Variants in H2AZ2 observed in about 807,000 individuals in gnomAD.
H2AZ2 encodes the protein histone H2A.V.
H2AZ2 carries 5 observed loss-of-function variants against 15.5 expected under a neutral mutation model. That is an observed-to-expected ratio of 0.32 (90% CI 0.17 to 0.68). The LOEUF (loss-of-function observed/expected upper bound fraction) is 0.68. H2AZ2 is among the 30% of genes least tolerant of loss of function. The pLI is 0.72. For missense variants in H2AZ2, 42 were observed against 162.5 expected, an observed-to-expected ratio of 0.26 and a Z score of 4.03; for synonymous variants, 44 against 57.4, an observed-to-expected ratio of 0.77 and a Z score of 1.05.
rs528758230 is a variant in H2AZ2 at position 44,839,312 on chromosome 7, T to C, written c.195+1587A>G. 2.0e-5 allele frequency among the ~76,000 whole-genome samples: 3 copies of C among 152,204 alleles called. No individual in the cohort carries two copies. In the South Asian group the frequency reaches 6.2e-4, roughly 32 times the overall value. Reference sequence around the variant, plus strand: ...GGTTTATGTCTGTAATCCCAGCAACTTGGGAGGACCACTTGAGGCTAGGAG... The same window carrying C: ...GGTTTATGTCTGTAATCCCAGCAACCTGGGAGGACCACTTGAGGCTAGGAG... On this transcript the variant is annotated intron_variant, in intron 3 of 4. Coordinates refer to ENST00000308153, the MANE Select transcript of H2AZ2 (RefSeq NM_012412.5).
At chr7:44,830,293 T>A, downstream of H2AZ2, 1 of 861,494 alleles carries the variant, frequency 1.2e-6, no homozygotes, top group Non-Finnish European at 1.8e-6. Flanking sequence ...GTGGTGAGTA[T>A]AAGAATTCAC....
At chr7:44,839,125 TGA>T (rs1793205050) in intron 3 of H2AZ2, among the ~76,000 whole-genome samples, 1 of 152,352 alleles carries the variant, frequency 6.6e-6, no homozygotes, top group African/African-American at 2.4e-5. Context: ...CAGGACAGAC[TGA>T]GTCTTTTACT....
downstream of H2AZ2, chr7:44,829,998 T>C (rs1043078324): frequency 8.0e-5 from 51 of 635,632 alleles, 1 homozygote; most frequent in African/African-American, 3.7e-4. Flanking sequence ...TTGCTTAAAA[T>C]TGAATTCACG....
At chr7:44,843,238 A>T in intron 2 of H2AZ2, 39 bp downstream of exon 2, 2 of 1,378,906 alleles carry the variant, frequency 1.5e-6, no homozygotes, top group Non-Finnish European at 2.0e-6. Context: ...TTACAACAGT[A>T]AAGAAAATAA....
chr7:44,847,974 T>C lies in H2AZ2; in HGVS notation c.-3A>G. 6.9e-7 allele frequency: 1 copy of C among 1,459,556 alleles called. No homozygotes were observed. Among genetic ancestry groups the C allele is most frequent in the Non-Finnish European group, 9.0e-7 (1 of 1,108,920 alleles). 90.4% of individuals were successfully genotyped at this position (1,459,556 alleles called of 1,614,324 possible). Reference sequence around the variant, plus strand: ...GCCCACCCGGCCGCCCTTACCATGTTCTCGGCGCCGACTCCGCCTCCGCTC... The same window carrying C: ...GCCCACCCGGCCGCCCTTACCATGTCCTCGGCGCCGACTCCGCCTCCGCTC... On this transcript the variant is annotated 5_prime_UTR_variant, in exon 1 of 5. Transcript: ENST00000308153.
At chr7:44,840,731 T>C (rs1046592314) in intron 3 of H2AZ2, among the ~76,000 whole-genome samples, 168 bp downstream of exon 3, 1 of 152,044 alleles carries the variant, frequency 6.6e-6, no homozygotes, top group Admixed American at 6.6e-5. Context: ...AGACTGGCCA[T>C]TGCACTCCAG....
intron 2 of H2AZ2, 68 bp downstream of exon 2, chr7:44,843,209 A>G: frequency 1.5e-6 from 1 of 672,112 alleles, no homozygotes; most frequent in Non-Finnish European, 2.3e-6. Flanking sequence ...TTTGTAATTG[A>G]TGAAACATAG....
Position 44,835,556 on chromosome 7 carries a change from G to A in H2AZ2, c.298C>T (p.Leu100Phe). Reference sequence around the variant, plus strand: ...CCCCCAGCTATGGTAGCCTTGATAAGAGAATCCAACTCTTCATCACCACGG... The same window carrying A: ...CCCCCAGCTATGGTAGCCTTGATAAAAGAATCCAACTCTTCATCACCACGG... ...AIRGDEELDSLIKATIAGGGV... is the reference protein window; with the variant it reads ...AIRGDEELDSFIKATIAGGGV... Residue 100 changes from leucine to phenylalanine, a missense_variant, in exon 4 of 5, where the codon CTT (leucine) becomes TTT (phenylalanine). Coordinates refer to ENST00000308153, the MANE Select transcript of H2AZ2 (RefSeq NM_012412.5). 2 of 1,613,892 alleles carry A rather than the reference G, an allele frequency of 1.2e-6. No individual in the cohort carries two copies.
chr7:44,840,095 G>A (rs1793237751), intron 3 of H2AZ2, among the ~76,000 whole-genome samples: 1 of 152,116 alleles, frequency 6.6e-6, no homozygotes, highest in South Asian at 2.1e-4. Flanking sequence ...TAGGGAGGCT[G>A]AGGCAGGAGG....
chr7:44,833,070 CAG>C lies in H2AZ2; in HGVS notation c.*1429_*1430del, dbSNP rs1236713596. ...AAAGTTGGGATTTTTTTTTTTGAGA[CAG>C]AGTCACACTCTGTCACCTAGGCTGG... On this transcript the variant is annotated 3_prime_UTR_variant, in exon 5 of 5. Transcript: ENST00000308153. 1.3e-5 allele frequency among the ~76,000 whole-genome samples: 2 copies of C among 151,258 alleles called. No individual in the cohort carries two copies. The highest frequency in any genetic ancestry group is 1.5e-5 in the Non-Finnish European group (1 of 67,848).
chr7:44,838,613 C>CCTG (rs1282837198), intron 3 of H2AZ2, among the ~76,000 whole-genome samples: 2 of 152,040 alleles, frequency 1.3e-5, no homozygotes, highest in Non-Finnish European at 2.9e-5. Context: ...AGATCATGTC[C>CCTG]CTGCCTTCCA....
intron 2 of H2AZ2, among the ~76,000 whole-genome samples, chr7:44,842,283 C>T (rs1793292965): frequency 6.6e-6 from 1 of 152,158 alleles, no homozygotes; most frequent in Admixed American, 6.6e-5. Context: ...GTGCTCCTTT[C>T]TCATTCTCTT....
intron 3 of H2AZ2, among the ~76,000 whole-genome samples, chr7:44,839,580 G>A (rs1488277678): frequency 1.3e-5 from 2 of 151,956 alleles, no homozygotes; most frequent in African/African-American, 2.4e-5. Flanking sequence ...TACTCGGGAG[G>A]CTGAGGTGGG....
At position 44,838,049 on chromosome 7, in the gene H2AZ2, C is replaced by A. The variant is rs1315422640; in HGVS notation, c.196-2391G>T. Among the ~76,000 whole-genome samples, 3 of 152,078 alleles carry A rather than the reference C, an allele frequency of 2.0e-5. No individual in the cohort carries two copies. The East Asian group carries it at 5.8e-4, about 30-fold the overall frequency. On this transcript the variant is annotated intron_variant, in intron 3 of 4. Coordinates refer to ENST00000308153, the MANE Select transcript of H2AZ2 (RefSeq NM_012412.5). The stretch of plus-strand genomic sequence containing the variant: ...GCAGTGGCGCGATCTCGGCTCGCTG[C>A]AACCTCTGCCTTCTGGGTTCAAGCA...
chr7:44,833,694 T>C lies in H2AZ2; in HGVS notation c.*807A>G, dbSNP rs745953682. The C allele has an allele frequency of 1.0e-6, 1 of 985,266 alleles. No homozygotes were observed. Among genetic ancestry groups the C allele is most frequent in the African/African-American group, 1.7e-5 (1 of 57,254 alleles). The allele number at this position is 985,266 out of a possible 1,614,324, so 61.0% of individuals were successfully genotyped here. The stretch of plus-strand genomic sequence containing the variant: ...CCAAAAGGAGAAACCTTTGATAAAC[T>C]GAACATCAATTCCAGGTAAAACTAG... On this transcript the variant is annotated 3_prime_UTR_variant, in exon 5 of 5. Transcript: ENST00000308153.
chr7:44,844,764 C>A (rs749246952), intron 1 of H2AZ2, among the ~76,000 whole-genome samples: 1 of 152,006 alleles, frequency 6.6e-6, no homozygotes, highest in African/African-American at 2.4e-5. Context: ...CTGAACTGTA[C>A]GCTTTAAAAA....
At position 44,847,993 on chromosome 7, in the gene H2AZ2, T is replaced by C. The variant is rs750821532; in HGVS notation, c.-22A>G. ...CCATGTTCTCGGCGCCGACTCCGCCTCCGCTCGGCCGCGCGCCCTCCCGCT... is the reference window on the plus strand; with the variant it reads ...CCATGTTCTCGGCGCCGACTCCGCCCCCGCTCGGCCGCGCGCCCTCCCGCT... On this transcript the variant is annotated 5_prime_UTR_variant, in exon 1 of 5. Coordinates refer to ENST00000308153, the MANE Select transcript of H2AZ2 (RefSeq NM_012412.5). 2.1e-6 allele frequency: 3 copies of C among 1,395,494 alleles called. No individual in the cohort carries two copies. In the South Asian group the frequency reaches 4.8e-5, roughly 22 times the overall value. 86.4% of individuals were successfully genotyped at this position (1,395,494 alleles called of 1,614,324 possible). A position where few individuals can be genotyped will look rare whatever the true frequency, so the allele number is the denominator to read the frequency against.
At chr7:44,842,219 C>G (rs967785169) in intron 2 of H2AZ2, among the ~76,000 whole-genome samples, 4 of 152,170 alleles carry the variant, frequency 2.6e-5, no homozygotes, top group Non-Finnish European at 4.4e-5. Context: ...CATACCAAGT[C>G]TGACTACTCC....
At chr7:44,837,165 G>A (rs1436405286) in intron 3 of H2AZ2, among the ~76,000 whole-genome samples, 1 of 151,924 alleles carries the variant, frequency 6.6e-6, no homozygotes, top group Non-Finnish European at 1.5e-5. Context: ...GCCTCCCAAA[G>A]TGTTGGGATT....
Sources: gnomAD v4.1 joint callset for allele counts (sites outside exome capture counted in the v4.1 genomes callset) on GRCh38, gnomAD v4.1.1 for gene constraint, MANE v1.5 for transcripts, NCBI Gene and HGNC (gene_info 2026-07-23, HGNC 2026-07-21) for gene names.